Variants in AKAP19 observed in about 807,000 individuals in gnomAD.
AKAP19 encodes A-kinase anchoring protein 19.
At chr2:189,952,634 T>C in the AKAP19 span, among the ~76,000 whole-genome samples, 2 of 152,210 alleles carry the variant, frequency 1.3e-5, no homozygotes, top group African/African-American at 4.8e-5. Flanking sequence ...CGTTTCAATA[T>C]CTAAAAATAT....
chr2:189,984,308 C>A, the AKAP19 span, among the ~76,000 whole-genome samples: 3 of 152,050 alleles, frequency 2.0e-5, no homozygotes, highest in Non-Finnish European at 2.9e-5. Flanking sequence ...AGAGACCTAC[C>A]CCTAGGTGCG....
the AKAP19 span, among the ~76,000 whole-genome samples, chr2:189,940,007 C>T: frequency 4.6e-5 from 7 of 151,716 alleles, no homozygotes; most frequent in South Asian, 2.1e-4. Flanking sequence ...TGGCCAGGTG[C>T]GGTGGCTCAC....
At chr2:190,112,806 C>T in the AKAP19 span, among the ~76,000 whole-genome samples, 67,103 of 151,930 alleles carry the variant, frequency 0.44, 15,900 homozygotes, top group South Asian at 0.68. Context: ...CCCATAATTT[C>T]GTTTCTTCTC....
the AKAP19 span, among the ~76,000 whole-genome samples, chr2:190,090,570 A>G: frequency 1.3e-5 from 2 of 152,222 alleles, no homozygotes; most frequent in Non-Finnish European, 2.9e-5. Flanking sequence ...GCCTCAAACA[A>G]CCACCTCAGT....
the AKAP19 span, among the ~76,000 whole-genome samples, chr2:190,173,514 G>T: frequency 6.6e-6 from 1 of 152,160 alleles, no homozygotes; most frequent in Non-Finnish European, 1.5e-5. Flanking sequence ...AATGCCAAGT[G>T]CACGTGAATT....
the AKAP19 span, among the ~76,000 whole-genome samples, chr2:190,196,029 T>C: frequency 2.0e-5 from 3 of 149,178 alleles, no homozygotes; most frequent in South Asian, 6.4e-4. Context: ...TTTGGATTTT[T>C]AAACTAGTCT....
At chr2:190,083,957 G>A in the AKAP19 span, among the ~76,000 whole-genome samples, 16 of 152,218 alleles carry the variant, frequency 1.1e-4, no homozygotes, top group African/African-American at 3.6e-4. Flanking sequence ...TTGAGACTCC[G>A]AAGCCTATTT....
the AKAP19 span, among the ~76,000 whole-genome samples, chr2:189,935,883 C>T: frequency 1.3e-5 from 2 of 151,876 alleles, no homozygotes; most frequent in African/African-American, 4.8e-5. Context: ...AAATGAAAAC[C>T]CTGGTGACCT....
the AKAP19 span, among the ~76,000 whole-genome samples, chr2:190,011,725 A>C: frequency 2.0e-5 from 3 of 152,304 alleles, no homozygotes; most frequent in African/African-American, 7.2e-5. Flanking sequence ...ACCTTTGTTG[A>C]AAATCAATTG....
At chr2:189,882,528 G>A in the AKAP19 span, among the ~76,000 whole-genome samples, 1 of 152,136 alleles carries the variant, frequency 6.6e-6, no homozygotes, top group Non-Finnish European at 1.5e-5. Context: ...GTAGACAAGA[G>A]ACAAAAGGTT....
At chr2:189,929,818 T>C in the AKAP19 span, among the ~76,000 whole-genome samples, 1 of 152,196 alleles carries the variant, frequency 6.6e-6, no homozygotes, top group Admixed American at 6.5e-5. Context: ...GTGCCAGTGT[T>C]ATAAAATGCA....
chr2:190,126,577 G>C, the AKAP19 span, among the ~76,000 whole-genome samples: 1 of 151,858 alleles, frequency 6.6e-6, no homozygotes, highest in Non-Finnish European at 1.5e-5. Context: ...TGTAAGAAAT[G>C]CTGTTTTATT....
At chr2:190,186,876 A>G in the AKAP19 span, among the ~76,000 whole-genome samples, 1 of 152,012 alleles carries the variant, frequency 6.6e-6, no homozygotes, top group Non-Finnish European at 1.5e-5. The surrounding 1 kb of genome is among the most constrained non-coding windows in gnomAD (Gnocchi z 5.5). Flanking sequence ...GTCTCACTCT[A>G]TCGCCCAGGC....
chr2:189,886,981 C>CT, the AKAP19 span, among the ~76,000 whole-genome samples: 14 of 151,698 alleles, frequency 9.2e-5, no homozygotes, highest in East Asian at 1.7e-3. Context: ...CTTGTTCTTG[C>CT]TTTTTTTTAA....
At chr2:190,047,616 A>G in the AKAP19 span, among the ~76,000 whole-genome samples, 1 of 152,228 alleles carries the variant, frequency 6.6e-6, no homozygotes, top group African/African-American at 2.4e-5. Context: ...CCGCAGTAGT[A>G]CAAGTCTTGA....
the AKAP19 span, among the ~76,000 whole-genome samples, chr2:189,974,172 A>T: frequency 3.9e-5 from 6 of 152,122 alleles, no homozygotes; most frequent in South Asian, 1.2e-3. Flanking sequence ...AGATTCTGGT[A>T]TGTTGTGTCT....
chr2:190,152,160 C>T, the AKAP19 span, among the ~76,000 whole-genome samples: 1 of 152,036 alleles, frequency 6.6e-6, no homozygotes, highest in Non-Finnish European at 1.5e-5. Flanking sequence ...TCCATCACTA[C>T]AAAAAATTAA....
chr2:189,923,159 T>TA, the AKAP19 span, among the ~76,000 whole-genome samples: 1 of 151,182 alleles, frequency 6.6e-6, no homozygotes, highest in Non-Finnish European at 1.5e-5. Flanking sequence ...TCTAAAAAAA[T>TA]AAATAAATAG....
the AKAP19 span, among the ~76,000 whole-genome samples, chr2:190,017,030 A>C: frequency 6.6e-6 from 1 of 152,212 alleles, no homozygotes; most frequent in East Asian, 1.9e-4. Context: ...TTATCATTAT[A>C]TAATGACCTG....
Sources: gnomAD v4.1 joint callset for allele counts (sites outside exome capture counted in the v4.1 genomes callset) on GRCh38, gnomAD v4.1.1 for gene constraint, Gnocchi (gnomAD v3.1) non-coding constraint, MANE v1.5 for transcripts, NCBI Gene and HGNC (gene_info 2026-07-23, HGNC 2026-07-21) for gene names.